PRDM5: variants seen among roughly 807,000 people sequenced by gnomAD.
PRDM5 encodes PR/SET domain 5.
PRDM5 carries 56 observed loss-of-function variants against 81.2 expected under a neutral mutation model. The ratio of observed to expected loss-of-function variants is 0.69; its 90% CI spans 0.56 to 0.86. PRDM5 has a LOEUF of 0.86. PRDM5 is among the 40% of genes least tolerant of loss of function. The probability of loss-of-function intolerance (pLI) is 0.00; values close to 1 mark genes in which losing one functional copy is unlikely to be tolerated. For synonymous variants in PRDM5, 267 were observed against 256.4 expected, an observed-to-expected ratio of 1.04 and a Z score of -0.39; for missense variants, 697 against 770.1, an observed-to-expected ratio of 0.91 and a Z score of 1.12.
intron 9 of PRDM5, 89 bp from the exon 10 acceptor site, chr4:120,798,513 C>T (rs989308307): frequency 4.1e-5 from 50 of 1,223,964 alleles, no homozygotes; most frequent in South Asian, 8.4e-5. Context: ...TTACTTCTTA[C>T]GGTAAGAAAA....
At chr4:120,884,730 CCTT>C (rs1051430384) in intron 2 of PRDM5, among the ~76,000 whole-genome samples, 11 of 152,104 alleles carry the variant, frequency 7.2e-5, no homozygotes, top group Admixed American at 5.2e-4. Context: ...CCATCCTCCT[CCTT>C]CAAAGAACAT....
chr4:120,801,955 CTTTTG>C (rs1561292647), intron 8 of PRDM5, among the ~76,000 whole-genome samples: 2 of 151,864 alleles, frequency 1.3e-5, no homozygotes, highest in African/African-American at 4.8e-5. Flanking sequence ...TAAATGAAAA[CTTTTG>C]TTATCATTTT....
At chr4:120,741,049 T>A (rs915766274) in intron 14 of PRDM5, among the ~76,000 whole-genome samples, 3 of 152,128 alleles carry the variant, frequency 2.0e-5, no homozygotes, top group African/African-American at 4.8e-5. Context: ...TATCATCCTC[T>A]ATCTCTAGTC....
At chr4:120,797,770 G>A (rs1751535965) in intron 10 of PRDM5, among the ~76,000 whole-genome samples, 1 of 152,150 alleles carries the variant, frequency 6.6e-6, no homozygotes, top group African/African-American at 2.4e-5. Flanking sequence ...GTATGGTGTT[G>A]ATAGCAGAAG....
Position 120,692,464 on chromosome 4 carries a change from G to A in PRDM5, c.*2647C>T, listed in dbSNP as rs1734120119. ...AGAATACTTCCATGGTGCAACTGCT[G>A]ATTATAATTTACCAATAAATGCCTC... On this transcript the variant is annotated 3_prime_UTR_variant, in exon 16 of 16. Coordinates refer to ENST00000264808, the MANE Select transcript of PRDM5 (RefSeq NM_018699.4). 6.6e-6 allele frequency: 1 copy of A among 151,998 alleles called. No individual in the cohort carries two copies. The allele number at this position is 151,998 out of a possible 1,614,324, so 9.4% of individuals were successfully genotyped here.
At chr4:120,921,877 G>A (rs1392501290) in intron 1 of PRDM5, among the ~76,000 whole-genome samples, 4 of 151,764 alleles carry the variant, frequency 2.6e-5, no homozygotes, top group Non-Finnish European at 4.4e-5. Context: ...AAAAAAAAAA[G>A]AGCGGAGAAA....
intron 1 of PRDM5, among the ~76,000 whole-genome samples, chr4:120,922,098 G>A (rs1008977086): frequency 6.6e-6 from 1 of 152,228 alleles, no homozygotes; most frequent in Non-Finnish European, 1.5e-5. Context: ...AGGCGACAGC[G>A]GAGCAGCGTG....
At chr4:120,724,942 T>C (rs1739171922) in intron 14 of PRDM5, among the ~76,000 whole-genome samples, 1 of 152,058 alleles carries the variant, frequency 6.6e-6, no homozygotes, top group African/African-American at 2.4e-5. Flanking sequence ...TGCAAGGAGG[T>C]AGTAGCATAA....
chr4:120,721,255 A>G (rs914180665), intron 14 of PRDM5, among the ~76,000 whole-genome samples: 1 of 152,114 alleles, frequency 6.6e-6, no homozygotes, highest in Non-Finnish European at 1.5e-5. Flanking sequence ...ATATTCTCCT[A>G]ATTTCTAGTC....
intron 13 of PRDM5, among the ~76,000 whole-genome samples, chr4:120,763,928 A>T (rs937008855): frequency 8.4e-6 from 1 of 118,936 alleles, no homozygotes; most frequent in Non-Finnish European, 1.9e-5. Context: ...AGAGAAGATT[A>T]AAAAAAAAAA....
In PRDM5 at chr4:120,904,194, AAAAAAAAAAAAC is replaced by A. The variant is rs1197929194; in HGVS notation, c.177+3268_177+3279del. On this transcript the variant is annotated intron_variant, in intron 2 of 15. Transcript: ENST00000264808. Reference sequence around the variant, plus strand: ...GACAGAGGGAGACTCCTTCTCAAAAAAAAAAAAAAAACAAAAAAACCTCCTTCCTTTATAAAT... The same window carrying A: ...GACAGAGGGAGACTCCTTCTCAAAAAAAAAAAACCTCCTTCCTTTATAAAT... Among the ~76,000 whole-genome samples, 24 of 143,394 alleles carry A rather than the reference AAAAAAAAAAAAC, an allele frequency of 1.7e-4. 2 individuals carry two copies. Among genetic ancestry groups the A allele is most frequent in the Admixed American group, 1.4e-3 (21 of 14,536 alleles). The allele number at this position is 143,394 out of a possible 152,430, so 94.1% of individuals were successfully genotyped here. A position where few individuals can be genotyped will look rare whatever the true frequency, so the allele number is the denominator to read the frequency against.
At chr4:120,734,421 TACAC>T (rs149559268) in intron 14 of PRDM5, among the ~76,000 whole-genome samples, 3,533 of 138,114 alleles carry the variant, frequency 0.026, 135 homozygotes, top group African/African-American at 0.089. Flanking sequence ...CACACACAAA[TACAC>T]ACACACACAC....
chr4:120,797,888 G>A (rs1751550556), intron 10 of PRDM5, among the ~76,000 whole-genome samples: 1 of 152,108 alleles, frequency 6.6e-6, no homozygotes, highest in Non-Finnish European at 1.5e-5. Flanking sequence ...AATGTTCAGA[G>A]AAATTGGCAG....
chr4:120,729,964 C>A (rs948691930), intron 14 of PRDM5, among the ~76,000 whole-genome samples: 1 of 152,176 alleles, frequency 6.6e-6, no homozygotes, highest in Admixed American at 6.5e-5. Flanking sequence ...GTAGCAGCAA[C>A]AAGTTGTTAT....
chr4:120,836,256 G>A (rs960079581), intron 3 of PRDM5, among the ~76,000 whole-genome samples: 14 of 152,174 alleles, frequency 9.2e-5, no homozygotes, highest in African/African-American at 2.9e-4. Context: ...GTAAGGCAGT[G>A]TGAATGTTGA....
chr4:120,814,521 G>A (rs916042144), intron 7 of PRDM5, among the ~76,000 whole-genome samples: 11 of 152,180 alleles, frequency 7.2e-5, no homozygotes, highest in Admixed American at 5.2e-4. Flanking sequence ...ACCTACCCAT[G>A]TTATGGTTGC....
intron 14 of PRDM5, among the ~76,000 whole-genome samples, chr4:120,718,834 G>T (rs1485540047): frequency 6.6e-6 from 1 of 152,166 alleles, no homozygotes; most frequent in Non-Finnish European, 1.5e-5. Context: ...TGGCATAGAT[G>T]ACACTGACTT....
intron 3 of PRDM5, chr4:120,839,218 C>T (rs1373336529): frequency 1.4e-6 from 1 of 702,862 alleles, no homozygotes; most frequent in South Asian, 1.5e-5. Flanking sequence ...AGGTCTCAGT[C>T]TTGTCTGTGT....
chr4:120,760,274 T>A (rs988673801), intron 13 of PRDM5, among the ~76,000 whole-genome samples: 1 of 152,156 alleles, frequency 6.6e-6, no homozygotes, highest in Non-Finnish European at 1.5e-5. Context: ...TTATCAACGC[T>A]CATCAAGAAA....
Sources: allele counts gnomAD v4.1 joint callset (sites outside exome capture counted in the v4.1 genomes callset), GRCh38; gene constraint gnomAD v4.1.1; transcripts MANE v1.5; gene names NCBI Gene and HGNC (gene_info 2026-07-23, HGNC 2026-07-21).